Variants in RNF14 observed in about 807,000 individuals in gnomAD.
The protein encoded by RNF14 is E3 ubiquitin-protein ligase RNF14.
RNF14 carries 26 observed loss-of-function variants against 52.6 expected under a neutral mutation model. That is an observed-to-expected ratio of 0.49 (90% CI 0.36 to 0.69). RNF14 has a LOEUF of 0.69. Among genes scored for constraint, RNF14 ranks in the 30% least tolerant of loss-of-function variants. The pLI is 0.00. For synonymous variants in RNF14, 194 were observed against 202.0 expected (o/e 0.96, Z 0.34); for missense variants, 404 against 560.4 (o/e 0.72, Z 2.82).
upstream of RNF14, chr5:141,956,391 T>C: frequency 1.2e-6 from 2 of 1,614,232 alleles, no homozygotes; most frequent in Non-Finnish European, 1.7e-6. Context: ...TGCCCAAGTC[T>C]GCATCATGAG....
upstream of RNF14, among the ~76,000 whole-genome samples, chr5:141,966,029 G>C (rs559381479): frequency 6.6e-6 from 1 of 150,412 alleles, no homozygotes; most frequent in Non-Finnish European, 1.5e-5. Context: ...ATCTGTAGTC[G>C]CGGCACTTTG....
chr5:141,978,885 TATC>T (rs1754501733), intron 5 of RNF14, 55 bp downstream of exon 5: 19 of 1,570,240 alleles, frequency 1.2e-5, no homozygotes, highest in Non-Finnish European at 1.4e-5. Flanking sequence ...TAAATGGAGA[TATC>T]ATCTCAGGAA....
chr5:141,957,906 A>G (rs1425999527), upstream of RNF14: 6 of 1,552,586 alleles, frequency 3.9e-6, no homozygotes, highest in African/African-American at 2.7e-5. The surrounding 1 kb of genome is among the most constrained non-coding windows in gnomAD (Gnocchi z 4.3). Context: ...TCAAGGCTGG[A>G]CAAGTCCTCC....
upstream of RNF14, among the ~76,000 whole-genome samples, chr5:141,967,778 T>C (rs1334529231): frequency 6.6e-6 from 1 of 152,256 alleles, no homozygotes; most frequent in Non-Finnish European, 1.5e-5. Context: ...AGCCAACATT[T>C]CTGTATTCCA....
chr5:141,980,235 T>G lies in RNF14; in HGVS notation c.947T>G (p.Leu316Arg), dbSNP rs1325408568. 28 of 1,614,162 alleles carry G rather than the reference T, an allele frequency of 1.7e-5. No individual in the cohort carries two copies. Among genetic ancestry groups the G allele is most frequent in the Non-Finnish European group, 2.3e-5 (27 of 1,180,066 alleles). The change falls in exon 6 of 9, where the codon CTG becomes CGG. Residue 316 changes from leucine to arginine, a missense_variant. Transcript: ENST00000394520. ...TACTGCCCCCGGCCGTGCTGCCAGCTGCCTGTGATGCAGGAACCTGGCTGC... is the reference window on the plus strand; with the variant it reads ...TACTGCCCCCGGCCGTGCTGCCAGCGGCCTGTGATGCAGGAACCTGGCTGC... ...VVYCPRPCCQ[L>R]PVMQEPGCTM...
At chr5:141,974,182 ACTG>A (rs1596676370) in intron 3 of RNF14, among the ~76,000 whole-genome samples, 3 of 152,250 alleles carry the variant, frequency 2.0e-5, no homozygotes, top group African/African-American at 7.2e-5. Flanking sequence ...AAAAAACAAA[ACTG>A]CTGCTTTTGA....
Position 141,978,357 on chromosome 5 carries a change from G to A in RNF14, c.361G>A (p.Val121Met), listed in dbSNP as rs781535864. The change falls in exon 5 of 9, where the codon GTG becomes ATG. Residue 121 changes from valine to methionine, a missense_variant. Transcript: ENST00000394520. ...DNLWEEHRGS[V>M]VLFAWMQFLK... ...CCTATGGGAAGAACACCGTGGCAGC[G>A]TGGTCCTGTTTGCCTGGATGCAATT... 6.2e-6 allele frequency: 10 copies of A among 1,613,780 alleles called. No homozygotes were observed. Among genetic ancestry groups the A allele is most frequent in the Non-Finnish European group, 7.6e-6 (9 of 1,179,834 alleles).
chr5:141,970,066 C>T (rs1407036103), intron 1 of RNF14, among the ~76,000 whole-genome samples: 3 of 152,074 alleles, frequency 2.0e-5, no homozygotes, highest in Non-Finnish European at 1.5e-5. Flanking sequence ...GTTACACATC[C>T]GAGAATCTGG....
At chr5:141,950,424 A>C in the RNF14 span, among the ~76,000 whole-genome samples, 1 of 152,152 alleles carries the variant, frequency 6.6e-6, no homozygotes, top group Non-Finnish European at 1.5e-5. Flanking sequence ...ATGACAACTA[A>C]TGTTTTTGAG....
chr5:141,956,264 C>T (rs773492439), upstream of RNF14: 38 of 1,614,212 alleles, frequency 2.4e-5, no homozygotes, highest in South Asian at 7.7e-5. Flanking sequence ...AACTCAAAGC[C>T]GGCCATCTCT....
chr5:141,968,493 T>C (rs1753441896), upstream of RNF14, among the ~76,000 whole-genome samples: 1 of 152,244 alleles, frequency 6.6e-6, no homozygotes, highest in South Asian at 2.1e-4. Context: ...GAAGGAAGTG[T>C]ATAATTTTAA....
At position 141,988,922 on chromosome 5, in the gene RNF14, G is replaced by A. The variant is rs1258542566; in HGVS notation, c.*1132G>A. The A allele has an allele frequency of 2.0e-5, 3 of 152,280 alleles. No individual in the cohort carries two copies. The highest frequency in any genetic ancestry group is 4.4e-5 in the Non-Finnish European group (3 of 68,018). The allele number at this position is 152,280 out of a possible 1,614,324, so 9.4% of individuals were successfully genotyped here. A position where few individuals can be genotyped will look rare whatever the true frequency, so the allele number is the denominator to read the frequency against. ...ATACCTGTTCCTTTTTCTGGGTTTT[G>A]TTGGCTTTTTGAAAAATTGTCTTTC... On this transcript the variant is annotated 3_prime_UTR_variant, in exon 9 of 9. Coordinates refer to ENST00000394520, the MANE Select transcript of RNF14 (RefSeq NM_004290.5).
At position 141,974,313 on chromosome 5, in the gene RNF14, G is replaced by T. The variant is rs554347978; in HGVS notation, c.155-491G>T. Among the ~76,000 whole-genome samples, 3 of 152,338 alleles carry T rather than the reference G, an allele frequency of 2.0e-5. No individual in the cohort carries two copies. The South Asian group carries it at 6.2e-4, about 32-fold the overall frequency. On this transcript the variant is annotated intron_variant, in intron 3 of 8. Transcript: ENST00000394520. ...ATGAAACTTTGATTGTGAGAGTGTT[G>T]TGTGCTATATTATATCCTCAAACCT...
chr5:141,969,563 C>T (rs1219157100), intron 1 of RNF14: 1 of 152,242 alleles, frequency 6.6e-6, no homozygotes, highest in Non-Finnish European at 1.5e-5. Flanking sequence ...CTAGGACACC[C>T]GAAGACCAAA....
chr5:141,957,401 G>A (rs1175979418), upstream of RNF14: 33 of 1,613,182 alleles, frequency 2.0e-5, no homozygotes, highest in Non-Finnish European at 2.5e-5. The surrounding 1 kb of genome is among the most constrained non-coding windows in gnomAD (Gnocchi z 4.3). Flanking sequence ...ATCCGGGTTC[G>A]CAGAGAGGCG....
chr5:141,978,089 G>GT (rs1195992016), intron 4 of RNF14, among the ~76,000 whole-genome samples: 1 of 152,136 alleles, frequency 6.6e-6, no homozygotes, highest in Admixed American at 6.5e-5. Flanking sequence ...CTGACTTTAT[G>GT]TTCTACTCTG....
chr5:141,983,568 C>G lies in RNF14; in HGVS notation c.1236+16C>G, dbSNP rs1220468668. The G allele has an allele frequency of 1.2e-6, 2 of 1,601,054 alleles. No individual in the cohort carries two copies. The highest frequency in any genetic ancestry group is 3.5e-5 in the Admixed American group (2 of 56,848). ...TCCCATAGAGGTAAATGTTTTGGGACAGACTTGGAGGCCATCAGACTTGCA... is the reference window on the plus strand; with the variant it reads ...TCCCATAGAGGTAAATGTTTTGGGAGAGACTTGGAGGCCATCAGACTTGCA... On this transcript the variant is annotated intron_variant, in intron 7 of 8. Transcript: ENST00000394520.
chr5:141,955,383 G>A (rs1274132371), upstream of RNF14: 3 of 1,614,022 alleles, frequency 1.9e-6, no homozygotes, highest in Non-Finnish European at 2.5e-6. This position sits in a 1 kb window ranked among gnomAD's most constrained non-coding sequence, Gnocchi z 5.5. Context: ...GCAGCGTCCT[G>A]TACAGGGTCG....
intron 6 of RNF14, among the ~76,000 whole-genome samples, chr5:141,982,157 G>A (rs934382387): frequency 2.0e-5 from 3 of 152,088 alleles, no homozygotes; most frequent in African/African-American, 7.2e-5. Flanking sequence ...TAGATTCAGG[G>A]CTTTAGCAAA....
Sources: allele counts gnomAD v4.1 joint callset (sites outside exome capture counted in the v4.1 genomes callset), GRCh38; gene constraint gnomAD v4.1.1; non-coding constraint Gnocchi (gnomAD v3.1); transcripts MANE v1.5; gene names NCBI Gene and HGNC (gene_info 2026-07-23, HGNC 2026-07-21).